Variants in EPM2A observed in about 807,000 individuals in gnomAD.
EPM2A encodes the protein laforin.
A neutral mutation model predicts 26.5 loss-of-function variants in EPM2A; 21 were observed. The observed-to-expected ratio is 0.79, with a 90% confidence interval of 0.56 to 1.14. The LOEUF (loss-of-function observed/expected upper bound fraction) is 1.14. Ranked by LOEUF, EPM2A falls within the 50% of genes most tolerant of loss-of-function variation. The probability of loss-of-function intolerance (pLI) is 0.00; values close to 1 mark genes in which losing one functional copy is unlikely to be tolerated. For synonymous variants in EPM2A, 217 were observed against 177.6 expected (o/e 1.22, Z -1.76); for missense variants, 458 against 440.8 (o/e 1.04, Z -0.35).
chr6:145,634,065 A>G (rs780786596), intron 3 of EPM2A, among the ~76,000 whole-genome samples: 1 of 152,148 alleles, frequency 6.6e-6, no homozygotes, highest in Non-Finnish European at 1.5e-5. Context: ...TACATAATAT[A>G]CATTTGGGGG....
At position 145,735,328 on chromosome 6, in the gene EPM2A, C is replaced by A. The variant is rs531330673; in HGVS notation, c.171G>T (p.Pro57=). ...GCTCCACCTCCCCGAGCCACAGGCC[C>A]GGCTCCTGCAGGGCCAGGGCCCCGT... ...AGDGALALQE[P]GLWLGEVELA... Residue 57 remains proline (P), a synonymous_variant, in exon 1 of 4, where the codon CCG becomes CCT. Coordinates refer to ENST00000367519, the MANE Select transcript of EPM2A (RefSeq NM_005670.4). 3.8e-4 allele frequency: 493 copies of A among 1,304,038 alleles called. 4 individuals are homozygous for A. The East Asian group carries it at 0.022, about 59-fold the overall frequency. 80.8% of individuals were successfully genotyped at this position (1,304,038 alleles called of 1,614,324 possible).
At chr6:145,683,591 C>T (rs1283134300) in intron 2 of EPM2A, among the ~76,000 whole-genome samples, 1 of 152,074 alleles carries the variant, frequency 6.6e-6, no homozygotes, top group African/African-American at 2.4e-5. Context: ...CTCACCTGCA[C>T]ATACAGCTTT....
chr6:145,727,441 T>C (rs1416006500), intron 1 of EPM2A, among the ~76,000 whole-genome samples: 7 of 152,052 alleles, frequency 4.6e-5, no homozygotes, highest in Non-Finnish European at 7.4e-5. Flanking sequence ...ATATCTGCCT[T>C]GCAGTGTTGT....
chr6:145,448,438 T>C (rs559999931), intron 4 of EPM2A, among the ~76,000 whole-genome samples: 36 of 152,184 alleles, frequency 2.4e-4, no homozygotes, highest in Non-Finnish European at 4.6e-4. Context: ...AAAAGAGACA[T>C]CAAAGGAGTC....
chr6:145,631,493 A>G (rs927569832), intron 3 of EPM2A: 4 of 152,186 alleles, frequency 2.6e-5, no homozygotes, highest in Admixed American at 6.5e-5. Flanking sequence ...GTAATTTAAT[A>G]CAGGCCCTAG....
At chr6:145,678,519 C>A (rs1489279722) in intron 2 of EPM2A, among the ~76,000 whole-genome samples, 1 of 152,126 alleles carries the variant, frequency 6.6e-6, no homozygotes. Context: ...GGTGTAATAT[C>A]CAGAATCTAC....
rs66889564 is a variant in EPM2A at position 145,732,201 on chromosome 6, T to TTGTGTG, written c.301+2991_301+2996dup. Among the ~76,000 whole-genome samples the TTGTGTG allele has an allele frequency of 5.1e-3, 700 of 138,488 alleles. 8 individuals are homozygous for TTGTGTG. The highest frequency in any genetic ancestry group is 0.016 in the African/African-American group (571 of 35,426). 90.9% of individuals were successfully genotyped at this position (138,488 alleles called of 152,430 possible). ...AAAGTCTCAGGTTTACAGCTAAGAC[T>TTGTGTG]TGTGTGTGTGTGTGTGTGTGTGTGT... On this transcript the variant is annotated intron_variant, in intron 1 of 3. Transcript: ENST00000367519.
chr6:145,428,473 A>G (rs1470969417), intron 4 of EPM2A, among the ~76,000 whole-genome samples: 1 of 152,184 alleles, frequency 6.6e-6, no homozygotes, highest in African/African-American at 2.4e-5. Flanking sequence ...AGCATTGAAC[A>G]TCCAGATGGA....
chr6:145,619,548 A>C (rs1358902489), intron 2 of EPM2A, among the ~76,000 whole-genome samples: 1 of 152,218 alleles, frequency 6.6e-6, no homozygotes, highest in African/African-American at 2.4e-5. Flanking sequence ...CTGGGCACTC[A>C]TAAGCTCACT....
At chr6:145,506,204 A>G (rs1288737134) in intron 2 of EPM2A, among the ~76,000 whole-genome samples, 1 of 152,244 alleles carries the variant, frequency 6.6e-6, no homozygotes, top group Admixed American at 6.5e-5. Context: ...TATGGTGTAT[A>G]ATGTTTATTT....
At chr6:145,412,996 T>A (rs1778663205) in intron 4 of EPM2A, among the ~76,000 whole-genome samples, 4 of 152,166 alleles carry the variant, frequency 2.6e-5, no homozygotes, top group Admixed American at 1.3e-4. Flanking sequence ...AAGGAGTCTA[T>A]GGTAATTTAG....
At chr6:145,624,756 C>T (rs1215059615), downstream of EPM2A, among the ~76,000 whole-genome samples, 1 of 152,056 alleles carries the variant, frequency 6.6e-6, no homozygotes, top group African/African-American at 2.4e-5. Flanking sequence ...TCAAATCTCT[C>T]CTTTCATTAC....
chr6:145,672,763 C>A (rs1161606916), intron 2 of EPM2A, among the ~76,000 whole-genome samples: 2 of 152,196 alleles, frequency 1.3e-5, no homozygotes, highest in African/African-American at 4.8e-5. Context: ...AAGCAGAGAT[C>A]CCCTCAGCCA....
intron 4 of EPM2A, among the ~76,000 whole-genome samples, chr6:145,389,679 T>A (rs2114656221): frequency 6.6e-6 from 1 of 152,300 alleles, no homozygotes; most frequent in African/African-American, 2.4e-5. Flanking sequence ...AAGGAACAAA[T>A]TATTTCTCAA....
intron 4 of EPM2A, among the ~76,000 whole-genome samples, chr6:145,422,817 A>G (rs1296984515): frequency 6.6e-6 from 1 of 152,114 alleles, no homozygotes; most frequent in Non-Finnish European, 1.5e-5. Context: ...GAAATTATGA[A>G]GCCACAATTA....
chr6:145,461,451 G>C (rs1336894589), intron 4 of EPM2A, among the ~76,000 whole-genome samples: 1 of 152,152 alleles, frequency 6.6e-6, no homozygotes, highest in Non-Finnish European at 1.5e-5. Flanking sequence ...CAGATGATGA[G>C]ATTGAAGGAG....
At chr6:145,579,031 T>TAGG (rs1781075628) in intron 2 of EPM2A, among the ~76,000 whole-genome samples, 2 of 152,014 alleles carry the variant, frequency 1.3e-5, no homozygotes, top group Admixed American at 6.6e-5. Context: ...GGGATAGCAT[T>TAGG]AGGAGATATA....
At chr6:145,649,003 C>T (rs1322571687) in intron 2 of EPM2A, among the ~76,000 whole-genome samples, 2 of 152,086 alleles carry the variant, frequency 1.3e-5, no homozygotes, top group Non-Finnish European at 2.9e-5. Context: ...TCTTCAAGTA[C>T]CAAGTAGTGA....
chr6:145,515,681 C>T (rs181298551), intron 2 of EPM2A, among the ~76,000 whole-genome samples: 2 of 152,110 alleles, frequency 1.3e-5, no homozygotes, highest in African/African-American at 2.4e-5. Context: ...AATAGTATCA[C>T]CTTGGGGGTG....
Sources: allele counts gnomAD v4.1 joint callset (sites outside exome capture counted in the v4.1 genomes callset), GRCh38; gene constraint gnomAD v4.1.1; transcripts MANE v1.5; gene names NCBI Gene and HGNC (gene_info 2026-07-23, HGNC 2026-07-21).